ACAT1: variants seen among roughly 807,000 people sequenced by gnomAD.
The protein encoded by ACAT1 is acetyl-CoA acetyltransferase, mitochondrial.
ACAT1 carries 28 observed loss-of-function variants against 47.3 expected under a neutral mutation model. The ratio of observed to expected loss-of-function variants is 0.59; its 90% CI spans 0.44 to 0.81. ACAT1 has a LOEUF of 0.81. Ranked by LOEUF, ACAT1 falls within the 30% of genes least tolerant of loss-of-function variation. The probability of loss-of-function intolerance (pLI) is 0.00; values close to 1 mark genes in which losing one functional copy is unlikely to be tolerated. For synonymous variants in ACAT1, 181 were observed against 173.6 expected (o/e 1.04, Z -0.34); for missense variants, 469 against 524.3 (o/e 0.89, Z 1.03).
upstream of ACAT1, chr11:108,121,565 C>T (rs1479365833): frequency 2.6e-6 from 4 of 1,544,572 alleles, no homozygotes; most frequent in Middle Eastern, 1.7e-4. Context: ...GAGGAGGCCG[C>T]TAGTCTACGC....
At chr11:108,117,753 TTATAAA>T (rs552410108), upstream of ACAT1, among the ~76,000 whole-genome samples, 87 of 152,342 alleles carry the variant, frequency 5.7e-4, 1 homozygote, top group Admixed American at 4.0e-3. Context: ...CATCTTTGTA[TTATAAA>T]TATAATACCC....
At chr11:108,142,334 T>A (rs992432302) in intron 8 of ACAT1, 103 bp from the exon 9 acceptor site, 1 of 871,796 alleles carries the variant, frequency 1.1e-6, no homozygotes, top group Non-Finnish European at 1.9e-6. Context: ...ATTTGTAATT[T>A]CTTTAAACAT....
chr11:108,142,628 G>T (rs544514364), intron 9 of ACAT1, 78 bp downstream of exon 9: 2 of 1,228,860 alleles, frequency 1.6e-6, no homozygotes, highest in Non-Finnish European at 2.4e-6. Flanking sequence ...CTTGAGCCCC[G>T]GAGTTCGAAA....
intron 6 of ACAT1, 39 bp downstream of exon 6, chr11:108,139,080 C>G (rs2077528878): frequency 3.7e-6 from 6 of 1,610,052 alleles, no homozygotes; most frequent in Non-Finnish European, 5.1e-6. Flanking sequence ...TATCTAATGT[C>G]CAATACTGTT....
At chr11:108,132,016 C>A in intron 2 of ACAT1, 62 bp downstream of exon 2, 3 of 1,035,162 alleles carry the variant, frequency 2.9e-6, no homozygotes, top group Non-Finnish European at 3.0e-6. Flanking sequence ...AATAAAAATG[C>A]ATATACTTAT....
chr11:108,136,032 A>C (rs945505118), intron 5 of ACAT1: 1 of 609,122 alleles, frequency 1.6e-6, no homozygotes, highest in Non-Finnish European at 2.9e-6. Context: ...CAGGCTTTCT[A>C]ATTAGCCTTG....
chr11:108,141,851 G>A, intron 8 of ACAT1, 151 bp downstream of exon 8: 2 of 649,612 alleles, frequency 3.1e-6, no homozygotes, highest in East Asian at 5.6e-5. Context: ...AATTGTTTTG[G>A]TAGTTTATAC....
chr11:108,119,715 C>T (rs2077117300), upstream of ACAT1, among the ~76,000 whole-genome samples: 1 of 152,048 alleles, frequency 6.6e-6, no homozygotes, highest in South Asian at 2.1e-4. Flanking sequence ...TAATGACTTC[C>T]TTTCAATAAT....
chr11:108,135,203 C>T lies in ACAT1; in HGVS notation c.396C>T (p.Ala132=), dbSNP rs2077446328. The T allele has an allele frequency of 1.2e-6, 2 of 1,613,604 alleles. No homozygotes were observed. Among genetic ancestry groups the T allele is most frequent in the South Asian group, 2.2e-5 (2 of 91,078 alleles). ...INKVCASGMK[A]IMMASQSLMC... ...AAGTTTGTGCTTCAGGAATGAAAGC[C>T]ATCATGATGGCCTCTCAAAGTCTTA... is the stretch of plus-strand genomic sequence containing the variant. Residue 132 remains alanine, a synonymous_variant, in exon 5 of 12, where the codon GCC becomes GCT. Coordinates refer to ENST00000265838, the MANE Select transcript of ACAT1 (RefSeq NM_000019.4).
At chr11:108,132,873 A>AAAAG (rs2077390677) in intron 2 of ACAT1, among the ~76,000 whole-genome samples, 1 of 137,490 alleles carries the variant, frequency 7.3e-6, no homozygotes, top group Non-Finnish European at 1.5e-5. Context: ...AAAAAAAAAA[A>AAAAG]AAAAAAAAGA....
At chr11:108,139,638 A>G (rs1591368272) in intron 6 of ACAT1, among the ~76,000 whole-genome samples, 3 of 152,054 alleles carry the variant, frequency 2.0e-5, no homozygotes, top group Admixed American at 1.3e-4. Flanking sequence ...AAAGAAATAT[A>G]TATGTGTGTG....
chr11:108,144,154 T>C (rs891303843), intron 10 of ACAT1, 107 bp downstream of exon 10: 79 of 1,284,110 alleles, frequency 6.2e-5, no homozygotes, highest in Non-Finnish European at 8.9e-5. Context: ...AGCAGAGAGA[T>C]AGCTTGGTTT....
intron 6 of ACAT1, 35 bp downstream of exon 6, chr11:108,139,076 A>G: frequency 6.2e-7 from 1 of 1,611,670 alleles, no homozygotes; most frequent in South Asian, 1.1e-5. Flanking sequence ...ATGCTATCTA[A>G]TGTCCAATAC....
chr11:108,132,099 T>G, intron 2 of ACAT1, 145 bp downstream of exon 2: 1 of 526,080 alleles, frequency 1.9e-6, no homozygotes, highest in South Asian at 2.4e-5. Context: ...AAATATTCAG[T>G]TAAAGTAGAT....
In ACAT1 at chr11:108,147,324, ATACGG is replaced by A; in HGVS notation, c.1220_1224del (p.Tyr407SerfsTer51). On this transcript the variant is annotated frameshift_variant, in exon 12 of 12. Transcript: ENST00000265838. LOFTEE classifies it high-confidence loss of function. ...TGACTCATGCCTTGAAGCAAGGAGA[ATACGG>A]TCTTGCCAGTATTTGCAATGGAGGA... 6.2e-7 allele frequency: 1 copy of A among 1,613,986 alleles called. No homozygotes were observed. Among genetic ancestry groups the A allele is most frequent in the Non-Finnish European group, 8.5e-7 (1 of 1,179,948 alleles).
intron 7 of ACAT1, among the ~76,000 whole-genome samples, chr11:108,140,602 T>C (rs2077565856): frequency 6.6e-6 from 1 of 152,234 alleles, no homozygotes; most frequent in African/African-American, 2.4e-5. Flanking sequence ...TACTAAGACA[T>C]GCTCTCTTGG....
At chr11:108,144,189 A>C (rs2077652286) in intron 10 of ACAT1, 142 bp downstream of exon 10, 2 of 929,562 alleles carry the variant, frequency 2.2e-6, no homozygotes, top group Admixed American at 4.1e-5. Flanking sequence ...TCTTCTCCTG[A>C]AAAGAGTAAG....
intron 1 of ACAT1, among the ~76,000 whole-genome samples, chr11:108,131,372 T>TTTTTTTTTTTTTTTTTTTTTTA (rs1555031491): frequency 1.4e-5 from 2 of 142,452 alleles, no homozygotes; most frequent in Admixed American, 7.2e-5. Context: ...TTTTTTTTTT[T>TTTTTTTTTTTTTTTTTTTTTTA]AGACAGTCTT....
At chr11:108,121,550 T>G, upstream of ACAT1, 2 of 1,523,618 alleles carry the variant, frequency 1.3e-6, no homozygotes. Context: ...GGGTGCGGGG[T>G]TGGGGAGGAG....
Sources: allele counts gnomAD v4.1 joint callset (sites outside exome capture counted in the v4.1 genomes callset), GRCh38; gene constraint gnomAD v4.1.1; transcripts MANE v1.5; gene names NCBI Gene and HGNC (gene_info 2026-07-23, HGNC 2026-07-21).